The following NAA15 variants were observed in gnomAD, a reference collection of about 807,000 sequenced individuals.
NAA15 encodes N-alpha-acetyltransferase 15, NatA auxiliary subunit.
Under a neutral mutation model 114.0 loss-of-function variants are expected in NAA15, and 34 were observed. The observed-to-expected ratio is 0.30, with a 90% CI of 0.23 to 0.40. The LOEUF (loss-of-function observed/expected upper bound fraction) is 0.40. Among genes scored for constraint, NAA15 ranks in the 10% least tolerant of loss-of-function variants. NAA15 has a pLI of 1.00. For synonymous variants in NAA15, 340 were observed against 338.0 expected (o/e 1.01, Z -0.06); for missense variants, 658 against 1,004.5 (o/e 0.66, Z 4.66).
intron 15 of NAA15, among the ~76,000 whole-genome samples, chr4:139,371,017 A>G (rs1227295558): frequency 6.6e-6 from 1 of 152,236 alleles, no homozygotes; most frequent in African/African-American, 2.4e-5. Flanking sequence ...TCATTGTCAC[A>G]TGAACCATTT....
rs1461652524 is a variant in NAA15, at chr4:139,370,263, T to G, written c.1806T>G (p.Ala602=). ...LKKLRNKQRR[A]QKKAQIEEEK... is the part of the protein sequence containing the mutation. ...AGCTACGTAATAAACAAAGAAGAGCTCAAAAGAAAGCCCAGATAGAAGAAG... is the reference window on the plus strand; with the variant it reads ...AGCTACGTAATAAACAAAGAAGAGCGCAAAAGAAAGCCCAGATAGAAGAAG... The change falls in exon 15 of 20, where the codon GCT becomes GCG. Residue 602 remains alanine (A), a synonymous_variant. Transcript: ENST00000296543. The G allele has an allele frequency of 6.4e-7, 1 of 1,570,392 alleles. No homozygotes were observed. The highest frequency in any genetic ancestry group is 2.3e-5 in the East Asian group (1 of 44,170).
Position 139,359,847 on chromosome 4 carries a change from A to G in NAA15, c.1362A>G (p.Lys454=). The change falls in exon 12 of 20, where the codon AAA becomes AAG. Residue 454 remains lysine (K), a synonymous_variant. Transcript: ENST00000296543. ...INSKCAKYML[K]ANLIKEAEEM... is the part of the protein sequence containing the mutation. ...CCAAATGTGCAAAATACATGCTAAA[A>G]GCCAACCTGATTAAAGAAGCTGAAG... The G allele has an allele frequency of 6.2e-6, 10 of 1,607,688 alleles. No homozygotes were observed. The highest frequency in any genetic ancestry group is 7.6e-6 in the Non-Finnish European group (9 of 1,178,836).
rs1413550118 is a variant in NAA15 at position 139,356,500 on chromosome 4, A to G, written c.1088-886A>G. On this transcript the variant is annotated intron_variant, in intron 10 of 19. Transcript: ENST00000296543. ...CCTTTGATTATCAGCATTTTCCTAC[A>G]TATTTTACAAATGTGGAAGAGGTTC... is the stretch of plus-strand genomic sequence containing the variant. The G allele has an allele frequency of 3.3e-5, 5 of 152,158 alleles. No individual in the cohort carries two copies. The East Asian group carries it at 9.6e-4, about 29-fold the overall frequency. 9.4% of individuals were successfully genotyped at this position (152,158 alleles called of 1,614,324 possible). A position where few individuals can be genotyped will look rare whatever the true frequency, so the allele number is the denominator to read the frequency against.
intron 2 of NAA15, among the ~76,000 whole-genome samples, chr4:139,334,984 A>G (rs1474093083): frequency 1.3e-5 from 2 of 152,010 alleles, no homozygotes; most frequent in African/African-American, 4.8e-5. Flanking sequence ...CTTTTACTGT[A>G]ATTGTTTGGA....
Position 139,390,788 on chromosome 4 carries a change from A to G in NAA15, c.*2704A>G, listed in dbSNP as rs1271602547. The stretch of plus-strand genomic sequence containing the variant: ...AAAATAAAGTGTGATCTCTAATAGC[A>G]TGGCTAAAGGTAATGCCAATATTAG... On this transcript the variant is annotated 3_prime_UTR_variant, in exon 20 of 20. Coordinates refer to ENST00000296543, the MANE Select transcript of NAA15 (RefSeq NM_057175.5). The G allele has an allele frequency of 6.6e-6, 1 of 152,226 alleles. No homozygotes were observed. The highest frequency in any genetic ancestry group is 1.5e-5 in the Non-Finnish European group (1 of 68,038). 9.4% of individuals were successfully genotyped at this position (152,226 alleles called of 1,614,324 possible).
intron 19 of NAA15, 124 bp from the exon 20 acceptor site, chr4:139,387,760 T>G: frequency 1.4e-6 from 1 of 733,316 alleles, no homozygotes; most frequent in Non-Finnish European, 2.3e-6. Context: ...TATGCAGGAG[T>G]AAATAGCTAA....
At chr4:139,382,424 T>TA (rs1200271992) in intron 17 of NAA15, among the ~76,000 whole-genome samples, 5 of 151,980 alleles carry the variant, frequency 3.3e-5, no homozygotes, top group Admixed American at 3.3e-4. Context: ...TAAAACAAGT[T>TA]AAAAAAAGAT....
intron 14 of NAA15, among the ~76,000 whole-genome samples, chr4:139,364,734 C>T (rs1190077180): frequency 6.6e-6 from 1 of 152,108 alleles, no homozygotes; most frequent in Non-Finnish European, 1.5e-5. Flanking sequence ...TTAGAATTTT[C>T]GTGTTTTTAC....
At chr4:139,379,208 T>G (rs1200179287) in intron 17 of NAA15, 2 of 166,574 alleles carry the variant, frequency 1.2e-5, no homozygotes, top group African/African-American at 4.8e-5. Context: ...TGTTTTCTCC[T>G]TATTTATCTG....
intron 15 of NAA15, among the ~76,000 whole-genome samples, chr4:139,371,511 A>ACACACG (rs1748439282): frequency 7.0e-6 from 1 of 143,758 alleles, no homozygotes; most frequent in Non-Finnish European, 1.5e-5. Flanking sequence ...ACACACACAC[A>ACACACG]CACACACACA....
chr4:139,359,535 TCAGA>T (rs1748069096), intron 11 of NAA15, among the ~76,000 whole-genome samples: 5 of 152,368 alleles, frequency 3.3e-5, no homozygotes, highest in African/African-American at 9.6e-5. Context: ...ATCTTTACTG[TCAGA>T]CAGCTTACAT....
chr4:139,362,045 A>G (rs1748148478), intron 14 of NAA15, 108 bp downstream of exon 14: 2 of 655,290 alleles, frequency 3.1e-6, no homozygotes, highest in Admixed American at 3.3e-5. Context: ...CCACGAGGAA[A>G]GATATTATAC....
chr4:139,317,684 T>G (rs948977094), intron 1 of NAA15, among the ~76,000 whole-genome samples: 1 of 152,214 alleles, frequency 6.6e-6, no homozygotes, highest in African/African-American at 2.4e-5. Context: ...ACTTAATCTG[T>G]GTTTTTTATG....
intron 10 of NAA15, 56 bp from the exon 11 acceptor site, chr4:139,357,330 G>C: frequency 6.7e-7 from 1 of 1,492,748 alleles, no homozygotes; most frequent in Non-Finnish European, 9.3e-7. Flanking sequence ...CATTTTGGGG[G>C]GTGCTCTTAA....
In NAA15 at chr4:139,359,662, T is replaced by C. The variant is rs1471781787; in HGVS notation, c.1258-81T>C. On this transcript the variant is annotated intron_variant, in intron 11 of 19. Transcript: ENST00000296543. ...GCCTTTACTTTCATTTGTTTTTAAA[T>C]TATTTATCAACAGATAATGAATTAC... The C allele has an allele frequency of 2.2e-6, 3 of 1,383,576 alleles. No individual in the cohort carries two copies. In the African/African-American group the frequency reaches 4.5e-5, roughly 21 times the overall value. The allele number at this position is 1,383,576 out of a possible 1,614,324, so 85.7% of individuals were successfully genotyped here.
intron 15 of NAA15, among the ~76,000 whole-genome samples, chr4:139,372,616 G>C (rs1025602317): frequency 6.6e-6 from 1 of 152,114 alleles, no homozygotes; most frequent in Non-Finnish European, 1.5e-5. Context: ...TCCAAATGTG[G>C]TAACAACATC....
At chr4:139,311,334 T>G (rs962728689) in intron 1 of NAA15, among the ~76,000 whole-genome samples, 8 of 151,382 alleles carry the variant, frequency 5.3e-5, no homozygotes, top group African/African-American at 2.0e-4. Context: ...ATATTTGTTA[T>G]GTGAAGTGAG....
intron 8 of NAA15, 65 bp downstream of exon 8, chr4:139,351,351 T>C (rs1747772542): frequency 1.6e-6 from 2 of 1,257,580 alleles, no homozygotes; most frequent in African/African-American, 3.0e-5. Context: ...TTTCTTGGTT[T>C]TAAGTATGAG....
Position 139,343,083 on chromosome 4 carries a change from G to C in NAA15, c.537+123G>C, listed in dbSNP as rs945678336. The C allele has an allele frequency of 2.2e-5, 18 of 830,806 alleles. No homozygotes were observed. The Admixed American group carries it at 5.1e-4, about 24-fold the overall frequency. The allele number at this position is 830,806 out of a possible 1,614,324, so 51.5% of individuals were successfully genotyped here. On this transcript the variant is annotated intron_variant, in intron 5 of 19. Coordinates refer to ENST00000296543, the MANE Select transcript of NAA15 (RefSeq NM_057175.5). ...AACTTATAGAAAAGTTGCAGGAATA[G>C]CACAAAGAACTCTACATAGGGGTTC...
Sources: allele counts gnomAD v4.1 joint callset (sites outside exome capture counted in the v4.1 genomes callset), GRCh38; gene constraint gnomAD v4.1.1; transcripts MANE v1.5; gene names NCBI Gene and HGNC (gene_info 2026-07-23, HGNC 2026-07-21).